The following ZMYM2 variants were observed in gnomAD, a reference collection of about 807,000 sequenced individuals.
ZMYM2 encodes zinc finger MYM-type protein 2.
A neutral mutation model predicts 162.8 loss-of-function variants in ZMYM2; 56 were observed. The observed-to-expected ratio is 0.34, with a 90% CI of 0.28 to 0.43. The LOEUF is 0.43. Among genes scored for constraint, ZMYM2 ranks in the 20% least tolerant of loss-of-function variants. The pLI, the probability that ZMYM2 is intolerant of heterozygous loss-of-function variation, is 1.00. For missense variants in ZMYM2, 1,275 were observed against 1,621.8 expected, an observed-to-expected ratio of 0.79 and a Z score of 3.67; for synonymous variants, 510 against 541.6, an observed-to-expected ratio of 0.94 and a Z score of 0.81.
At chr13:19,884,822 A>G in the ZMYM2 span, among the ~76,000 whole-genome samples, 1 of 152,104 alleles carries the variant, frequency 6.6e-6, no homozygotes, top group Non-Finnish European at 1.5e-5. Flanking sequence ...TACAACAAAC[A>G]TTCCAGCAGT....
At chr13:19,963,960 T>C (rs534503413) in intron 2 of ZMYM2, among the ~76,000 whole-genome samples, 6 of 152,208 alleles carry the variant, frequency 3.9e-5, no homozygotes, top group East Asian at 1.9e-4. Context: ...TTAGAAGTAA[T>C]AAATTTTAAG....
chr13:20,005,129 T>C lies in ZMYM2; in HGVS notation c.1189T>C (p.Phe397Leu). The C allele has an allele frequency of 6.2e-7, 1 of 1,606,472 alleles. No individual in the cohort carries two copies. Among genetic ancestry groups the C allele is most frequent in the Non-Finnish European group, 8.5e-7 (1 of 1,177,532 alleles). Reference sequence around the variant, plus strand: ...TGCTCAAGTGGATTCAAGTGAGTCCTTCCAGGAATTCTGTAGTACATCTTG... The same window carrying C: ...TGCTCAAGTGGATTCAAGTGAGTCCCTCCAGGAATTCTGTAGTACATCTTG... ...IVAQVDSSES[F>L]QEFCSTSCLS... The change falls in exon 5 of 25, where the codon TTC becomes CTC. Residue 397 changes from phenylalanine (F) to leucine (L), a missense_variant. Around this residue, in one of 10 missense-constraint regions of ZMYM2, gnomAD observed 115 missense variants for 175.3 expected, o/e 0.66. Transcript: ENST00000610343.
chr13:20,027,779 G>A (rs1952719961), intron 9 of ZMYM2, among the ~76,000 whole-genome samples: 1 of 152,090 alleles, frequency 6.6e-6, no homozygotes, highest in Admixed American at 6.5e-5. Flanking sequence ...GATCAGTTTA[G>A]GGAGACATTT....
At chr13:19,864,316 A>G in the ZMYM2 span, 1 of 155,130 alleles carries the variant, frequency 6.4e-6, no homozygotes, top group African/African-American at 2.4e-5. Context: ...GCAGGAGGAG[A>G]CGACGTCCTC....
At position 20,014,878 on chromosome 13, in the gene ZMYM2, C is replaced by T. The variant is rs534981887; in HGVS notation, c.1513-4669C>T. Among the ~76,000 whole-genome samples, 22 of 150,586 alleles carry T rather than the reference C, an allele frequency of 1.5e-4. No individual in the cohort carries two copies. The South Asian group carries it at 4.4e-3, about 30-fold the overall frequency. On this transcript the variant is annotated intron_variant, in intron 6 of 24. Transcript: ENST00000610343. ...CTCCCAGGTTCAAGCGATTATCCTG[C>T]ATCCGCCTCCTGAGTAGCCGGGATT...
chr13:20,058,634 T>C lies in ZMYM2; in HGVS notation c.2553T>C (p.Leu851=). ...PNKEMKNKAV[L]CKPLTMTKAT... is the part of the protein sequence containing the mutation. ...AAGAGATGAAGAACAAAGCAGTTCT[T>C]TGCAAACCTTTAACAATGACAAAAG... The change falls in exon 15 of 25, where the codon CTT becomes CTC. Residue 851 remains leucine, a synonymous_variant. Transcript: ENST00000610343. 1.2e-6 allele frequency: 2 copies of C among 1,613,844 alleles called. No homozygotes were observed. The highest frequency in any genetic ancestry group is 1.7e-6 in the Non-Finnish European group (2 of 1,179,792).
chr13:19,897,329 C>T, the ZMYM2 span, among the ~76,000 whole-genome samples: 1 of 152,198 alleles, frequency 6.6e-6, no homozygotes, highest in East Asian at 1.9e-4. Context: ...ACACCCACTT[C>T]TAAAAAGAGA....
chr13:19,884,602 CG>C, the ZMYM2 span, among the ~76,000 whole-genome samples: 1 of 151,966 alleles, frequency 6.6e-6, no homozygotes, highest in African/African-American at 2.4e-5. Context: ...GTGGTCCTCA[CG>C]GTGAGTATTA....
At chr13:20,079,674 TAACAAG>T (rs1318395643) in intron 21 of ZMYM2, among the ~76,000 whole-genome samples, 1 of 147,752 alleles carries the variant, frequency 6.8e-6, no homozygotes, top group Non-Finnish European at 1.5e-5. Context: ...ATTCATTCTG[TAACAAG>T]AACAGCAGAT....
At chr13:19,886,816 AT>A in the ZMYM2 span, among the ~76,000 whole-genome samples, 21 of 149,280 alleles carry the variant, frequency 1.4e-4, no homozygotes, top group Admixed American at 3.4e-4. Context: ...TGCCCGGTTA[AT>A]TTTTTTTTTA....
chr13:19,910,496 G>T, the ZMYM2 span, among the ~76,000 whole-genome samples: 1 of 151,956 alleles, frequency 6.6e-6, no homozygotes, highest in South Asian at 2.1e-4. Flanking sequence ...ATCCATCCTG[G>T]GAGGGCCCTG....
At chr13:20,020,309 A>G (rs1480885477) in intron 7 of ZMYM2, among the ~76,000 whole-genome samples, 1 of 146,848 alleles carries the variant, frequency 6.8e-6, no homozygotes, top group Non-Finnish European at 1.5e-5. Context: ...ATCTCGGCTC[A>G]CCGCAACCTC....
At chr13:19,918,685 A>G in the ZMYM2 span, among the ~76,000 whole-genome samples, 1 of 151,416 alleles carries the variant, frequency 6.6e-6, no homozygotes. Context: ...TTTTTAGTAG[A>G]GACAGGTTTC....
chr13:20,045,535 ATCAC>A (rs1006388139), intron 12 of ZMYM2, among the ~76,000 whole-genome samples: 1 of 152,230 alleles, frequency 6.6e-6, no homozygotes, highest in African/African-American at 2.4e-5. Context: ...TTTTTGAGAA[ATCAC>A]TCAGAAAATG....
At chr13:19,922,815 G>A in the ZMYM2 span, among the ~76,000 whole-genome samples, 1 of 152,180 alleles carries the variant, frequency 6.6e-6, no homozygotes, top group Non-Finnish European at 1.5e-5. Context: ...CTGCACTCCA[G>A]CCTGGGAGAC....
rs985479489 is a variant in ZMYM2 at position 19,959,069 on chromosome 13, A to T, written c.-80+228A>T. ...TCGGGGGCAGCTCGGGGCTGCGCTC[A>T]TGTCACAGGCGCCTTTGCGTGCGGC... On this transcript the variant is annotated intron_variant, in intron 1 of 24. Coordinates refer to ENST00000610343, the MANE Select transcript of ZMYM2 (RefSeq NM_197968.4). Among the ~76,000 whole-genome samples, 81 of 150,852 alleles carry T rather than the reference A, an allele frequency of 5.4e-4. 1 individual carries two copies. Among genetic ancestry groups the T allele is most frequent in the South Asian group, 1.9e-3 (9 of 4,772 alleles).
At chr13:19,964,275 C>G (rs1955539976) in intron 2 of ZMYM2, among the ~76,000 whole-genome samples, 2 of 152,030 alleles carry the variant, frequency 1.3e-5, no homozygotes, top group South Asian at 4.1e-4. Flanking sequence ...ACTCAGGAGG[C>G]TGAGGTAGGA....
the ZMYM2 span, among the ~76,000 whole-genome samples, chr13:19,931,344 A>T: frequency 6.6e-6 from 1 of 151,882 alleles, no homozygotes; most frequent in African/African-American, 2.4e-5. Context: ...ACTATTGTTC[A>T]TATAGAGATA....
upstream of ZMYM2, among the ~76,000 whole-genome samples, chr13:19,956,309 A>G (rs1444248677): frequency 3.9e-5 from 6 of 152,344 alleles, no homozygotes; most frequent in East Asian, 9.6e-4. Flanking sequence ...GTTGTAGTGT[A>G]TATCAGAACT....
Sources: gnomAD v4.1 joint callset for allele counts (sites outside exome capture counted in the v4.1 genomes callset) on GRCh38, gnomAD v4.1.1 for gene constraint, gnomAD v4.1.1 regional missense constraint, MANE v1.5 for transcripts, NCBI Gene and HGNC (gene_info 2026-07-23, HGNC 2026-07-21) for gene names.